The following ANKRD6 variants were observed in gnomAD, a reference collection of about 807,000 sequenced individuals.
ANKRD6 encodes the protein ankyrin repeat domain 6.
ANKRD6 carries 56 observed loss-of-function variants against 82.3 expected under a neutral mutation model. The ratio of observed to expected loss-of-function variants is 0.68; its 90% confidence interval spans 0.55 to 0.85. ANKRD6 has a LOEUF of 0.85. Ranked by LOEUF, ANKRD6 falls within the 40% of genes least tolerant of loss-of-function variation. The pLI, the probability that ANKRD6 is intolerant of heterozygous loss-of-function variation, is 0.00. For missense variants in ANKRD6, 852 were observed against 907.6 expected, an observed-to-expected ratio of 0.94 and a Z score of 0.79; for synonymous variants, 347 against 352.1, an observed-to-expected ratio of 0.99 and a Z score of 0.16.
chr6:89,480,059 C>G (rs959575049), intron 1 of ANKRD6, among the ~76,000 whole-genome samples: 6 of 152,082 alleles, frequency 3.9e-5, no homozygotes, highest in Admixed American at 3.3e-4. Flanking sequence ...CTAAAAGAAA[C>G]TTGCTTTATA....
chr6:89,589,150 G>C (rs374933603), intron 2 of ANKRD6, among the ~76,000 whole-genome samples: 9 of 152,126 alleles, frequency 5.9e-5, no homozygotes, highest in African/African-American at 1.4e-4. Context: ...GGTCTGAAAG[G>C]CCTGCCCTTT....
At chr6:89,564,366 A>G (rs891011571) in intron 1 of ANKRD6, among the ~76,000 whole-genome samples, 2 of 152,140 alleles carry the variant, frequency 1.3e-5, no homozygotes, top group African/African-American at 4.8e-5. Context: ...TTTTCTCACC[A>G]CTGTAGTATT....
chr6:89,569,167 G>C (rs1789214778), intron 2 of ANKRD6, among the ~76,000 whole-genome samples: 1 of 152,004 alleles, frequency 6.6e-6, no homozygotes, highest in Non-Finnish European at 1.5e-5. Context: ...CACCCACCTT[G>C]GCCTCCCAAA....
Position 89,560,215 on chromosome 6 carries a change from C to A in ANKRD6, c.-143-6619C>A, listed in dbSNP as rs532623939. Reference sequence around the variant, plus strand: ...GGCTTAAACAACAGAAATTTATTTTCTTCCAGTTCTACTTTCCAGTTCTTC... The same window carrying A: ...GGCTTAAACAACAGAAATTTATTTTATTCCAGTTCTACTTTCCAGTTCTTC... On this transcript the variant is annotated intron_variant, in intron 1 of 15. Transcript: ENST00000339746. 2.0e-5 allele frequency among the ~76,000 whole-genome samples: 3 copies of A among 152,324 alleles called. No homozygotes were observed. The South Asian group carries it at 6.2e-4, about 32-fold the overall frequency.
chr6:89,559,036 A>G (rs753807157), intron 1 of ANKRD6, among the ~76,000 whole-genome samples: 3 of 152,212 alleles, frequency 2.0e-5, no homozygotes, highest in Non-Finnish European at 2.9e-5. Context: ...TTAATTCTGT[A>G]TGCTTGTGTT....
rs1807786407 is a variant in ANKRD6, at chr6:89,633,407, A to G, written c.*2403A>G. On this transcript the variant is annotated 3_prime_UTR_variant, in exon 16 of 16. Transcript: ENST00000339746. ...TTTTCCTTATTTTTCCCTTTTAGCTATCTGCTAAAGTGAGTAAATGCCACA... is the reference window on the plus strand; with the variant it reads ...TTTTCCTTATTTTTCCCTTTTAGCTGTCTGCTAAAGTGAGTAAATGCCACA... The G allele has an allele frequency of 6.6e-6, 1 of 152,190 alleles. No homozygotes were observed. Among genetic ancestry groups the G allele is most frequent in the Non-Finnish European group, 1.5e-5 (1 of 68,028 alleles). The allele number at this position is 152,190 out of a possible 1,614,324, so 9.4% of individuals were successfully genotyped here. A position where few individuals can be genotyped will look rare whatever the true frequency, so the allele number is the denominator to read the frequency against.
At chr6:89,474,750 T>G (rs1775856150) in intron 1 of ANKRD6, among the ~76,000 whole-genome samples, 1 of 152,134 alleles carries the variant, frequency 6.6e-6, no homozygotes, top group South Asian at 2.1e-4. Flanking sequence ...AACTGCCCAC[T>G]ACAGTGTTGC....
At position 89,631,644 on chromosome 6, in the gene ANKRD6, G is replaced by A. The variant is rs1807420099; in HGVS notation, c.*640G>A. 1 of 152,004 alleles carries A rather than the reference G, an allele frequency of 6.6e-6. No individual in the cohort carries two copies. Among genetic ancestry groups the A allele is most frequent in the African/African-American group, 2.4e-5 (1 of 41,382 alleles). 9.4% of individuals were successfully genotyped at this position (152,004 alleles called of 1,614,324 possible). ...CAGTTTATTTAAATAATGAATAATTGGCTAACAGCTCTGGAAACAATGAGA... is the reference window on the plus strand; with the variant it reads ...CAGTTTATTTAAATAATGAATAATTAGCTAACAGCTCTGGAAACAATGAGA... On this transcript the variant is annotated 3_prime_UTR_variant, in exon 16 of 16. Coordinates refer to ENST00000339746, the MANE Select transcript of ANKRD6 (RefSeq NM_001242809.2).
chr6:89,558,241 CT>C (rs1786893710), intron 1 of ANKRD6, among the ~76,000 whole-genome samples: 1 of 152,162 alleles, frequency 6.6e-6, no homozygotes. Context: ...TGAGATGGAA[CT>C]TATGTCCACA....
At chr6:89,513,913 G>C (rs1056109314) in intron 1 of ANKRD6, among the ~76,000 whole-genome samples, 3 of 152,134 alleles carry the variant, frequency 2.0e-5, no homozygotes, top group Non-Finnish European at 2.9e-5. Flanking sequence ...GTATAATGTG[G>C]GAAAATTTAA....
intron 1 of ANKRD6, among the ~76,000 whole-genome samples, chr6:89,486,981 G>T (rs1022955417): frequency 2.6e-5 from 4 of 152,166 alleles, no homozygotes; most frequent in African/African-American, 9.7e-5. Context: ...TGGGGTTGGG[G>T]GGTGGACACA....
At chr6:89,571,819 A>G (rs1789978165) in intron 2 of ANKRD6, among the ~76,000 whole-genome samples, 1 of 152,166 alleles carries the variant, frequency 6.6e-6, no homozygotes, top group South Asian at 2.1e-4. Context: ...ATTCTTGTAC[A>G]TTCTATGGAT....
chr6:89,551,656 A>G (rs1239309076), intron 1 of ANKRD6, among the ~76,000 whole-genome samples: 1 of 152,238 alleles, frequency 6.6e-6, no homozygotes, highest in African/African-American at 2.4e-5. Context: ...GCCTTTTGCT[A>G]TGAGATCAGT....
intron 5 of ANKRD6, among the ~76,000 whole-genome samples, chr6:89,606,601 A>G (rs1798680402): frequency 1.3e-5 from 2 of 152,164 alleles, no homozygotes; most frequent in South Asian, 4.1e-4. Context: ...CACACCTGTA[A>G]TCACAGCACT....
chr6:89,513,264 A>AT (rs1780779338), intron 1 of ANKRD6, among the ~76,000 whole-genome samples: 1 of 152,202 alleles, frequency 6.6e-6, no homozygotes, highest in Non-Finnish European at 1.5e-5. Context: ...AAAGTGCACA[A>AT]ACCGTAAAAA....
chr6:89,617,833 G>A (rs535087577), intron 8 of ANKRD6, 121 bp from the exon 9 acceptor site: 26 of 901,986 alleles, frequency 2.9e-5, no homozygotes, highest in African/African-American at 4.9e-5. Context: ...GTTTTGCCAC[G>A]TAGGTGCTGG....
chr6:89,478,938 CA>C (rs1460115049), intron 1 of ANKRD6, among the ~76,000 whole-genome samples: 2 of 152,122 alleles, frequency 1.3e-5, no homozygotes, highest in Non-Finnish European at 2.9e-5. Flanking sequence ...ACCCTGCTGA[CA>C]CCTTTATTTC....
intron 3 of ANKRD6, 44 bp from the exon 4 acceptor site, chr6:89,602,985 G>A (rs1036597196): frequency 6.6e-7 from 1 of 1,507,386 alleles, no homozygotes; most frequent in Non-Finnish European, 9.1e-7. Context: ...AGCAGGGGGT[G>A]CAGGGGAGCT....
rs1797529254 is a variant in ANKRD6, at chr6:89,602,770, T to C, written c.220-259T>C. 3 of 462,180 alleles carry C rather than the reference T, an allele frequency of 6.5e-6. No individual in the cohort carries two copies. In the South Asian group the frequency reaches 8.9e-5, roughly 14 times the overall value. 28.6% of individuals were successfully genotyped at this position (462,180 alleles called of 1,614,324 possible). On this transcript the variant is annotated intron_variant, in intron 3 of 15. Coordinates refer to ENST00000339746, the MANE Select transcript of ANKRD6 (RefSeq NM_001242809.2). Reference sequence around the variant, plus strand: ...GCCTGACCCTCATTTTGAGGTTGGCTCTGTGGCCGAGGGCTATTCTTGCTG... The same window carrying C: ...GCCTGACCCTCATTTTGAGGTTGGCCCTGTGGCCGAGGGCTATTCTTGCTG...
Sources: allele counts gnomAD v4.1 joint callset (sites outside exome capture counted in the v4.1 genomes callset), GRCh38; gene constraint gnomAD v4.1.1; transcripts MANE v1.5; gene names NCBI Gene and HGNC (gene_info 2026-07-23, HGNC 2026-07-21).